The following LOC400499 variants were observed in gnomAD, a reference collection of about 807,000 sequenced individuals.
the LOC400499 span, among the ~76,000 whole-genome samples, chr16:11,408,179 C>T: frequency 2.0e-5 from 3 of 151,982 alleles, no homozygotes; most frequent in Non-Finnish European, 2.9e-5. Context: ...GATGGGGTTT[C>T]GCCATGTTGG....
the LOC400499 span, among the ~76,000 whole-genome samples, chr16:11,481,734 G>C: frequency 2.0e-5 from 3 of 152,154 alleles, no homozygotes; most frequent in African/African-American, 7.2e-5. Context: ...CCGGTTTTAA[G>C]TGATTCTCCT....
At chr16:11,384,909 T>A in the LOC400499 span, 2 of 1,231,814 alleles carry the variant, frequency 1.6e-6, no homozygotes, top group Non-Finnish European at 2.0e-6. Context: ...AGGCCCAGAG[T>A]CAGGCTGCAG....
At chr16:11,416,548 G>A in the LOC400499 span, among the ~76,000 whole-genome samples, 7,090 of 152,206 alleles carry the variant, frequency 0.047, 564 homozygotes, top group African/African-American at 0.16. Context: ...GCAGACAAAA[G>A]TCATCCCTGC....
At chr16:11,495,942 C>T in the LOC400499 span, among the ~76,000 whole-genome samples, 2 of 152,336 alleles carry the variant, frequency 1.3e-5, no homozygotes, top group East Asian at 1.9e-4. Context: ...AAATTCTGGG[C>T]TCACTCTAAA....
the LOC400499 span, chr16:11,460,479 T>C: frequency 1.2e-5 from 19 of 1,521,438 alleles, no homozygotes; most frequent in Admixed American, 4.0e-5. Context: ...GAACCCACCT[T>C]GTGGCTGAAG....
At chr16:11,393,855 A>G in the LOC400499 span, among the ~76,000 whole-genome samples, 1 of 152,174 alleles carries the variant, frequency 6.6e-6, no homozygotes, top group African/African-American at 2.4e-5. Flanking sequence ...AGACGGGTGG[A>G]TCGCTTGAGC....
At chr16:11,464,209 C>T in the LOC400499 span, among the ~76,000 whole-genome samples, 10 of 152,166 alleles carry the variant, frequency 6.6e-5, no homozygotes, top group Non-Finnish European at 4.4e-5. Context: ...TGTGCACACA[C>T]GAATATACAG....
At chr16:11,515,491 A>G in the LOC400499 span, among the ~76,000 whole-genome samples, 1 of 151,686 alleles carries the variant, frequency 6.6e-6, no homozygotes, top group Non-Finnish European at 1.5e-5. Context: ...ACATACATAC[A>G]TACATACGTA....
At chr16:11,475,555 G>T in the LOC400499 span, 1 of 398,272 alleles carries the variant, frequency 2.5e-6, no homozygotes, top group Non-Finnish European at 4.4e-6. Flanking sequence ...GGGATCTGGA[G>T]CTGGCATTTT....
At chr16:11,479,028 A>T in the LOC400499 span, among the ~76,000 whole-genome samples, 1 of 152,204 alleles carries the variant, frequency 6.6e-6, no homozygotes. Context: ...TAAATCTATT[A>T]AATTTCTTTC....
At chr16:11,495,007 G>A in the LOC400499 span, among the ~76,000 whole-genome samples, 2 of 152,142 alleles carry the variant, frequency 1.3e-5, no homozygotes, top group Non-Finnish European at 1.5e-5. Context: ...TCAGGAGTTC[G>A]AGACCAGCCT....
chr16:11,495,588 C>T, the LOC400499 span, among the ~76,000 whole-genome samples: 2 of 152,184 alleles, frequency 1.3e-5, no homozygotes, highest in African/African-American at 4.8e-5. Flanking sequence ...CCATGTTGGC[C>T]AGGCTGGTGG....
chr16:11,464,293 CA>C, the LOC400499 span, among the ~76,000 whole-genome samples: 1 of 152,244 alleles, frequency 6.6e-6, no homozygotes, highest in Non-Finnish European at 1.5e-5. Context: ...TTCCTGCTGG[CA>C]GGCACATTCG....
At chr16:11,386,836 G>A in the LOC400499 span, among the ~76,000 whole-genome samples, 1 of 152,242 alleles carries the variant, frequency 6.6e-6, no homozygotes, top group African/African-American at 2.4e-5. Context: ...TCTTCCAGCT[G>A]GATCTGGAGG....
At chr16:11,488,770 G>C in the LOC400499 span, 1 of 398,992 alleles carries the variant, frequency 2.5e-6, no homozygotes, top group Non-Finnish European at 4.4e-6. Context: ...GGAACTCCTG[G>C]CTGAGGATGT....
the LOC400499 span, chr16:11,405,010 C>G: frequency 1.0e-4 from 40 of 396,074 alleles, no homozygotes; most frequent in Non-Finnish European, 1.8e-5. Flanking sequence ...GTCAGGGGAT[C>G]AAAAACCCAA....
the LOC400499 span, among the ~76,000 whole-genome samples, chr16:11,511,282 C>T: frequency 2.6e-5 from 4 of 152,190 alleles, no homozygotes; most frequent in African/African-American, 7.2e-5. Flanking sequence ...CAGGCTTGAG[C>T]CACTGTGCCC....
the LOC400499 span, among the ~76,000 whole-genome samples, chr16:11,387,634 G>C: frequency 1.7e-5 from 1 of 58,614 alleles, no homozygotes; most frequent in East Asian, 4.7e-4. Flanking sequence ...GGAAGGTCTA[G>C]GAAATTTTGT....
At chr16:11,412,514 G>T in the LOC400499 span, among the ~76,000 whole-genome samples, 1 of 152,184 alleles carries the variant, frequency 6.6e-6, no homozygotes, top group Non-Finnish European at 1.5e-5. Context: ...GGTGGCCCCT[G>T]ACTTACTGCA....
Sources: allele counts gnomAD v4.1 joint callset (sites outside exome capture counted in the v4.1 genomes callset), GRCh38; gene constraint gnomAD v4.1.1; transcripts MANE v1.5.